CCDC171: variants seen among roughly 807,000 people sequenced by gnomAD.
The protein encoded by CCDC171 is coiled-coil domain-containing protein 171.
CCDC171 carries 177 observed loss-of-function variants against 168.2 expected under a neutral mutation model. The ratio of observed to expected loss-of-function variants is 1.05; its 90% CI spans 0.93 to 1.19. CCDC171 has a LOEUF of 1.19. Ranked by LOEUF, CCDC171 falls within the 50% of genes most tolerant of loss-of-function variation. The pLI is 0.00. For missense variants in CCDC171, 1,991 were observed against 1,539.0 expected (o/e 1.29, Z -4.91); for synonymous variants, 687 against 540.8 (o/e 1.27, Z -3.75).
intron 3 of CCDC171, among the ~76,000 whole-genome samples, chr9:15,980,135 A>T (rs988079631): frequency 1.3e-5 from 2 of 152,188 alleles, no homozygotes; most frequent in Non-Finnish European, 2.9e-5. Flanking sequence ...AGAGTTTTAG[A>T]TGTAATAATA....
chr9:16,073,144 T>A, the CCDC171 span, among the ~76,000 whole-genome samples: 336 of 152,324 alleles, frequency 2.2e-3, 1 homozygote, highest in African/African-American at 7.7e-3. Flanking sequence ...AACTGAAGAC[T>A]GGGTCTGGGA....
intron 11 of CCDC171, among the ~76,000 whole-genome samples, chr9:15,702,707 G>C (rs906844767): frequency 6.6e-6 from 1 of 152,182 alleles, no homozygotes; most frequent in African/African-American, 2.4e-5. Flanking sequence ...CTGCATCGGG[G>C]ATTTTAGCTA....
At chr9:15,695,555 A>G (rs570329875) in intron 11 of CCDC171, among the ~76,000 whole-genome samples, 1 of 152,248 alleles carries the variant, frequency 6.6e-6, no homozygotes, top group African/African-American at 2.4e-5. Context: ...TTGATTTACA[A>G]GTGTTGGGGT....
chr9:15,666,434 G>T, intron 9 of CCDC171, 111 bp downstream of exon 9: 1 of 667,266 alleles, frequency 1.5e-6, no homozygotes, highest in Non-Finnish European at 2.4e-6. Context: ...TAATGTCAGT[G>T]GTAGACTGGG....
intron 18 of CCDC171, among the ~76,000 whole-genome samples, chr9:15,747,380 A>C (rs183532445): frequency 6.6e-6 from 1 of 152,292 alleles, no homozygotes; most frequent in East Asian, 1.9e-4. Flanking sequence ...TGGTTCTCCC[A>C]GCATGGTGTT....
intron 3 of CCDC171, among the ~76,000 whole-genome samples, chr9:16,013,589 C>G (rs367605187): frequency 6.6e-6 from 1 of 152,172 alleles, no homozygotes; most frequent in African/African-American, 2.4e-5. Context: ...ATTATTTGCC[C>G]TCTCTGACCC....
At chr9:15,684,064 T>G (rs2050217753) in intron 10 of CCDC171, among the ~76,000 whole-genome samples, 1 of 152,052 alleles carries the variant, frequency 6.6e-6, no homozygotes, top group Non-Finnish European at 1.5e-5. Flanking sequence ...TAACAAAAGC[T>G]ACTCAGACCT....
At chr9:15,871,704 C>T (rs1223308902) in intron 23 of CCDC171, among the ~76,000 whole-genome samples, 1 of 151,908 alleles carries the variant, frequency 6.6e-6, no homozygotes, top group African/African-American at 2.4e-5. Context: ...AGAGTCCTTT[C>T]TTACTGTTCT....
At chr9:16,051,914 A>G (rs1833756677) in intron 1 of CCDC171, among the ~76,000 whole-genome samples, 1 of 152,192 alleles carries the variant, frequency 6.6e-6, no homozygotes, top group African/African-American at 2.4e-5. Context: ...TCGAATGAGG[A>G]GCAAAGTCAC....
intron 2 of CCDC171, among the ~76,000 whole-genome samples, chr9:15,565,598 T>C (rs1169519680): frequency 6.6e-6 from 1 of 152,244 alleles, no homozygotes; most frequent in Non-Finnish European, 1.5e-5. Flanking sequence ...TTTTGAACAA[T>C]TCATGTGAAT....
At chr9:15,874,983 A>C (rs1291535144) in intron 24 of CCDC171, 1 of 170,516 alleles carries the variant, frequency 5.9e-6, no homozygotes, top group Non-Finnish European at 1.2e-5. Flanking sequence ...TTACCTCTTT[A>C]AGCAAGTCTC....
At chr9:15,634,065 A>G (rs1388734608) in intron 7 of CCDC171, among the ~76,000 whole-genome samples, 4 of 152,112 alleles carry the variant, frequency 2.6e-5, no homozygotes, top group Non-Finnish European at 5.9e-5. Context: ...TAGGAGATAC[A>G]CCTAATGCTA....
rs755383791 is a variant in CCDC171, at chr9:15,594,122, C to G, written c.625C>G (p.Gln209Glu). The G allele has an allele frequency of 3.3e-6, 5 of 1,503,858 alleles. No individual in the cohort carries two copies. The highest frequency in any genetic ancestry group is 4.6e-6 in the Non-Finnish European group (5 of 1,084,702). 93.2% of individuals were successfully genotyped at this position (1,503,858 alleles called of 1,614,324 possible). A position where few individuals can be genotyped will look rare whatever the true frequency, so the allele number is the denominator to read the frequency against. Residue 209 changes from glutamine to glutamate, a missense_variant, in exon 6 of 26, where the codon CAA becomes GAA. By Grantham distance (29) the Gln-to-Glu change is conservative. Transcript: ENST00000380701. ...RETALEEFRL[Q>E]EEQWEAERRE... is the part of the protein sequence containing the mutation. ...GACAGCATTGGAGGAGTTTAGATTA[C>G]AAGAAGAACAATGGGAAGCAGAAAG...
chr9:15,701,912 A>G (rs996487420), intron 11 of CCDC171, among the ~76,000 whole-genome samples: 8 of 152,204 alleles, frequency 5.3e-5, no homozygotes, highest in Admixed American at 1.3e-4. Context: ...GAAGTTGTCA[A>G]TATAATTTGC....
chr9:15,890,139 C>G (rs770215), intron 24 of CCDC171, among the ~76,000 whole-genome samples: 62,478 of 151,630 alleles, frequency 0.41, 13,045 homozygotes, highest in Non-Finnish European at 0.44. Context: ...TTGCGCTGTA[C>G]TCTGGGACAC....
intron 25 of CCDC171, among the ~76,000 whole-genome samples, chr9:15,956,786 G>T (rs1347719936): frequency 6.6e-6 from 1 of 152,148 alleles, no homozygotes; most frequent in Non-Finnish European, 1.5e-5. Flanking sequence ...ATAAGTGCAT[G>T]TTTATGAGTA....
chr9:16,093,726 C>T, the CCDC171 span, among the ~76,000 whole-genome samples: 1 of 152,158 alleles, frequency 6.6e-6, no homozygotes, highest in Non-Finnish European at 1.5e-5. Context: ...AAAATTATGT[C>T]TCTGTATCTT....
chr9:16,096,586 G>A, the CCDC171 span, among the ~76,000 whole-genome samples: 3 of 152,258 alleles, frequency 2.0e-5, no homozygotes, highest in East Asian at 1.9e-4. Context: ...TTTGTCCAGC[G>A]GAAGCCCTAG....
chr9:16,061,968 A>G (rs1242865346), downstream of CCDC171, among the ~76,000 whole-genome samples: 1 of 152,194 alleles, frequency 6.6e-6, no homozygotes, highest in Non-Finnish European at 1.5e-5. Flanking sequence ...AGTTACCAAC[A>G]GTTTAAAACC....
Sources: allele counts gnomAD v4.1 joint callset (sites outside exome capture counted in the v4.1 genomes callset), GRCh38; gene constraint gnomAD v4.1.1; transcripts MANE v1.5; gene names NCBI Gene and HGNC (gene_info 2026-07-23, HGNC 2026-07-21).